Variants in NR1H4 observed in about 807,000 individuals in gnomAD.
NR1H4 encodes the protein bile acid receptor.
A neutral mutation model predicts 58.5 loss-of-function variants in NR1H4; 23 were observed. The observed-to-expected ratio is 0.39, with a 90% CI of 0.28 to 0.56. The LOEUF is 0.56. Among genes scored for constraint, NR1H4 ranks in the 20% least tolerant of loss-of-function variants. The pLI is 0.58. For missense variants in NR1H4, 487 were observed against 576.9 expected (o/e 0.84, Z 1.60); for synonymous variants, 214 against 198.0 (o/e 1.08, Z -0.68).
intron 4 of NR1H4, among the ~76,000 whole-genome samples, chr12:100,526,502 C>T (rs1398102947): frequency 1.3e-5 from 2 of 152,100 alleles, no homozygotes; most frequent in Non-Finnish European, 2.9e-5. Flanking sequence ...CAAAGTTAAT[C>T]TCTTCTAAGC....
chr12:100,516,879 T>G (rs184046909), intron 4 of NR1H4, among the ~76,000 whole-genome samples: 22 of 152,222 alleles, frequency 1.4e-4, no homozygotes, highest in African/African-American at 4.8e-4. Flanking sequence ...TCATATCTTA[T>G]GTCCATTTTA....
intron 1 of NR1H4, among the ~76,000 whole-genome samples, chr12:100,483,430 A>C (rs1455092744): frequency 2.6e-5 from 4 of 152,186 alleles, no homozygotes; most frequent in Non-Finnish European, 5.9e-5. Context: ...GGTTACTAAG[A>C]TAGTAATAAA....
intron 9 of NR1H4, among the ~76,000 whole-genome samples, chr12:100,542,337 A>T (rs1026861444): frequency 3.9e-4 from 60 of 151,900 alleles, no homozygotes; most frequent in African/African-American, 1.4e-3. Flanking sequence ...ACAGAGTGAG[A>T]CTCAGTCTGA....
intron 4 of NR1H4, among the ~76,000 whole-genome samples, chr12:100,523,414 C>T (rs567675965): frequency 5.4e-4 from 82 of 151,944 alleles, no homozygotes; most frequent in African/African-American, 2.0e-3. Flanking sequence ...TTGATTTTTC[C>T]CTTGCTGATT....
At chr12:100,510,660 T>G in intron 3 of NR1H4, 118 bp from the exon 4 acceptor site, 2 of 751,916 alleles carry the variant, frequency 2.7e-6, no homozygotes, top group Non-Finnish European at 4.5e-6. Flanking sequence ...TAAACTTTTA[T>G]GTAGTTAAAT....
chr12:100,534,176 AGCCACCGC>A (rs1433484905), intron 5 of NR1H4, among the ~76,000 whole-genome samples: 14 of 152,084 alleles, frequency 9.2e-5, no homozygotes, highest in Admixed American at 5.9e-4. Flanking sequence ...TACAGGCGTG[AGCCACCGC>A]GCCCGGCCTT....
intron 4 of NR1H4, among the ~76,000 whole-genome samples, chr12:100,515,165 CTTT>C (rs59404984): frequency 1.1e-5 from 1 of 94,848 alleles, no homozygotes; most frequent in Non-Finnish European, 2.0e-5. Flanking sequence ...TTTGTCAAAG[CTTT>C]TTTTTTTTTT....
intron 3 of NR1H4, chr12:100,499,762 A>T: frequency 2.3e-6 from 1 of 429,464 alleles, no homozygotes; most frequent in East Asian, 7.1e-5. Context: ...AATAAAAATA[A>T]TTGTAATGAT....
At chr12:100,522,655 C>T (rs1430934374) in intron 4 of NR1H4, among the ~76,000 whole-genome samples, 4 of 151,828 alleles carry the variant, frequency 2.6e-5, no homozygotes, top group Non-Finnish European at 4.4e-5. Flanking sequence ...TTGTACCTGT[C>T]ACCAGAGTGT....
chr12:100,510,671 G>T (rs1418190671), intron 3 of NR1H4, 107 bp from the exon 4 acceptor site: 2 of 950,980 alleles, frequency 2.1e-6, no homozygotes, highest in Non-Finnish European at 3.2e-6. Context: ...GTAGTTAAAT[G>T]TTTCAATCTT....
rs943788129 is a variant in NR1H4 at position 100,555,586 on chromosome 12, G to T, written c.1079-6299G>T. 1.6e-4 allele frequency among the ~76,000 whole-genome samples: 24 copies of T among 152,208 alleles called. 1 individual carries two copies. Among genetic ancestry groups the T allele is most frequent in the Non-Finnish European group, 5.9e-5 (4 of 68,028 alleles). On this transcript the variant is annotated intron_variant, in intron 9 of 10. Transcript: ENST00000392986. ...GTTCTCCTGAATAATGATAATAATA[G>T]CTACTATTATAATTATCTACTCTGA...
At chr12:100,508,440 G>T (rs934300845) in intron 3 of NR1H4, among the ~76,000 whole-genome samples, 1 of 152,062 alleles carries the variant, frequency 6.6e-6, no homozygotes, top group African/African-American at 2.4e-5. Flanking sequence ...GCAGAGAGGG[G>T]CTTTGAAGAT....
chr12:100,516,895 T>C (rs1954281766), intron 4 of NR1H4, among the ~76,000 whole-genome samples: 1 of 152,224 alleles, frequency 6.6e-6, no homozygotes, highest in Non-Finnish European at 1.5e-5. Context: ...TTTTATTTTA[T>C]TTTCTTAAAT....
intron 9 of NR1H4, 105 bp downstream of exon 9, chr12:100,540,923 T>G (rs73155613): frequency 9.3e-7 from 1 of 1,070,904 alleles, no homozygotes; most frequent in Admixed American, 1.8e-5. Flanking sequence ...TATATGCCTG[T>G]TGTGCCTAGC....
chr12:100,528,663 T>C (rs1040979035), intron 4 of NR1H4, among the ~76,000 whole-genome samples: 5 of 152,230 alleles, frequency 3.3e-5, no homozygotes, highest in African/African-American at 1.2e-4. Context: ...TTTGCATAAG[T>C]ATAAATACAG....
rs762569526 is a variant in NR1H4 at position 100,511,158 on chromosome 12, T to C, written c.445+15T>C. The C allele has an allele frequency of 2.5e-6, 4 of 1,614,116 alleles. No individual in the cohort carries two copies. Among genetic ancestry groups the C allele is most frequent in the Admixed American group, 1.7e-5 (1 of 60,028 alleles). On this transcript the variant is annotated intron_variant, in intron 4 of 10. Transcript: ENST00000392986. The stretch of plus-strand genomic sequence containing the variant: ...GGGGTGTAAAGGTAAGCATCTTTGA[T>C]TGGCAGTTTTCTCCTTCAGGTTTTA...
intron 3 of NR1H4, chr12:100,503,614 A>G (rs555887115): frequency 1.1e-5 from 11 of 973,834 alleles, no homozygotes; most frequent in Non-Finnish European, 1.0e-5. Flanking sequence ...TGGCTCAGTC[A>G]GACCCAGAAG....
chr12:100,538,362 G>A (rs898358616), intron 8 of NR1H4, among the ~76,000 whole-genome samples: 6 of 152,148 alleles, frequency 3.9e-5, no homozygotes, highest in African/African-American at 1.4e-4. Flanking sequence ...TTGAAATAAA[G>A]CAATAGCAGT....
chr12:100,529,712 C>T (rs893308735), intron 4 of NR1H4, among the ~76,000 whole-genome samples: 3 of 152,212 alleles, frequency 2.0e-5, no homozygotes, highest in African/African-American at 7.2e-5. Flanking sequence ...AGATCAAATT[C>T]TATTTCCTTC....
Sources: allele counts gnomAD v4.1 joint callset (sites outside exome capture counted in the v4.1 genomes callset), GRCh38; gene constraint gnomAD v4.1.1; transcripts MANE v1.5; gene names NCBI Gene and HGNC (gene_info 2026-07-23, HGNC 2026-07-21).